The following ITGB4 variants were observed in gnomAD, a reference collection of about 807,000 sequenced individuals.
The protein encoded by ITGB4 is integrin beta-4.
Under a neutral mutation model 207.6 loss-of-function variants are expected in ITGB4, and 159 were observed. The ratio of observed to expected loss-of-function variants is 0.77; its 90% confidence interval spans 0.67 to 0.87. The LOEUF is 0.87. Ranked by LOEUF, ITGB4 falls within the 40% of genes least tolerant of loss-of-function variation. The pLI is 0.00. For synonymous variants in ITGB4, 1,020 were observed against 1,062.7 expected, an observed-to-expected ratio of 0.96 and a Z score of 0.78; for missense variants, 2,278 against 2,546.8, an observed-to-expected ratio of 0.89 and a Z score of 2.27.
intron 26 of ITGB4, among the ~76,000 whole-genome samples, chr17:75,745,407 A>C (rs959803287): frequency 6.6e-6 from 1 of 151,954 alleles, no homozygotes; most frequent in African/African-American, 2.4e-5. Flanking sequence ...AATAATAATA[A>C]TTAATTTTTT....
chr17:75,734,046 G>A (rs912412308), intron 13 of ITGB4, among the ~76,000 whole-genome samples: 1 of 151,798 alleles, frequency 6.6e-6, no homozygotes, highest in African/African-American at 2.4e-5. Context: ...CCCTCCAATG[G>A]CTGGCAGGTA....
intron 36 of ITGB4, 40 bp downstream of exon 36, chr17:75,756,657 GC>G (rs1599322956): frequency 6.2e-7 from 1 of 1,612,102 alleles, no homozygotes; most frequent in East Asian, 2.2e-5. Flanking sequence ...CCCCCATCAT[GC>G]CCACCACCCA....
intron 34 of ITGB4, 115 bp downstream of exon 34, chr17:75,754,930 G>GCATGCACA: frequency 1.3e-6 from 2 of 1,548,526 alleles, no homozygotes; most frequent in East Asian, 4.5e-5. Context: ...ATACACACAC[G>GCATGCACA]CATGCACACA....
chr17:75,728,290 C>G lies in ITGB4; in HGVS notation c.470-87C>G, dbSNP rs983975855. The G allele has an allele frequency of 2.8e-6, 3 of 1,070,450 alleles. No individual in the cohort carries two copies. In the African/African-American group the frequency reaches 4.7e-5, roughly 17 times the overall value. The allele number at this position is 1,070,450 out of a possible 1,614,324, so 66.3% of individuals were successfully genotyped here. On this transcript the variant is annotated intron_variant, in intron 5 of 39. Transcript: ENST00000200181. ...CAAAGCGTTAACCTCCCTCTTCCTC[C>G]CTTCTGAGCCAGCCCTTGGTGGGGG... is the stretch of plus-strand genomic sequence containing the variant.
In ITGB4 at chr17:75,740,907, G is replaced by A. The variant is rs2061094081; in HGVS notation, c.2609+56G>A. The A allele has an allele frequency of 3.8e-5, 61 of 1,613,342 alleles. No individual in the cohort carries two copies. The South Asian group carries it at 5.7e-4, about 15-fold the overall frequency. On this transcript the variant is annotated intron_variant, in intron 22 of 39. Transcript: ENST00000200181. The surrounding 1 kb of genome is among the most constrained non-coding windows in gnomAD (Gnocchi z 5.9). ...GGAGCCGCTCCTACCGGGACTCCAG[G>A]AGCCGAAGCCCCCAGGCCGATCAGG... is the stretch of plus-strand genomic sequence containing the variant.
chr17:75,742,637 G>T lies in ITGB4; in HGVS notation c.2838G>T (p.Val946=). ...QEGVELVDVR[V]PLFIRPEDDD... is the part of the protein sequence containing the mutation. The stretch of plus-strand genomic sequence containing the variant: ...GCGTGGAGCTGGTGGACGTACGGGT[G>T]CCCCTCTTTATCCGGCCTGAGGATG... Residue 946 remains valine, a synonymous_variant, in exon 25 of 40, where the codon GTG becomes GTT. Transcript: ENST00000200181. The surrounding 1 kb of genome is among the most constrained non-coding windows in gnomAD (Gnocchi z 5.9). 7.4e-6 allele frequency: 12 copies of T among 1,614,046 alleles called. No homozygotes were observed. Among genetic ancestry groups the T allele is most frequent in the Non-Finnish European group, 9.3e-6 (11 of 1,180,030 alleles).
Position 75,733,648 on chromosome 17 carries a change from AT to A in ITGB4, c.1614del (p.Tyr538Ter), listed in dbSNP as rs1417151403. On this transcript the variant is annotated frameshift_variant, in exon 13 of 40. Coordinates refer to ENST00000200181, the MANE Select transcript of ITGB4 (RefSeq NM_000213.5). LOFTEE classifies it high-confidence loss of function. ...EGRYEGQFCE[Y>X]DNFQCPRTSG... is the part of the protein sequence containing the mutation. ...CGCTACGAGGGTCAGTTCTGCGAGT[AT>A]GACAACTTCCAGTGTCCCCGCACTT... The A allele has an allele frequency of 6.2e-7, 1 of 1,614,220 alleles. No individual in the cohort carries two copies. Among genetic ancestry groups the A allele is most frequent in the South Asian group, 1.1e-5 (1 of 91,092 alleles).
chr17:75,749,864 G>A (rs1176624895), intron 27 of ITGB4, among the ~76,000 whole-genome samples: 2 of 152,188 alleles, frequency 1.3e-5, no homozygotes, highest in African/African-American at 4.8e-5. Context: ...GCTGCCAAGG[G>A]AGAAAGGGGC....
chr17:75,727,677 G>T lies in ITGB4; in HGVS notation c.291G>T (p.Arg97=). Residue 97 remains arginine, a synonymous_variant, in exon 5 of 40, where the codon CGG becomes CGT. Coordinates refer to ENST00000200181, the MANE Select transcript of ITGB4 (RefSeq NM_000213.5). The surrounding 1 kb of genome is among the most constrained non-coding windows in gnomAD (Gnocchi z 6.0). ...AGACCCAGATTGACACCACCCTGCGGCGCAGCCAGATGTCCCCCCAAGGCC... is the reference window on the plus strand; with the variant it reads ...AGACCCAGATTGACACCACCCTGCGTCGCAGCCAGATGTCCCCCCAAGGCC... ...TEETQIDTTL[R]RSQMSPQGLR... The T allele has an allele frequency of 6.2e-7, 1 of 1,609,798 alleles. No individual in the cohort carries two copies. Among genetic ancestry groups the T allele is most frequent in the Non-Finnish European group, 8.5e-7 (1 of 1,178,626 alleles).
At position 75,742,497 on chromosome 17, in the gene ITGB4, G is replaced by T. The variant is rs1224261275; in HGVS notation, c.2782+8G>T. ...CCCTCACTGCAGACCAGGGTAGGAG[G>T]GCGGGTCCGCTGTGCCACTGCCTCG... On this transcript the variant is annotated splice_region_variant and intron_variant, in intron 24 of 39. Transcript: ENST00000200181. The surrounding 1 kb of genome is among the most constrained non-coding windows in gnomAD (Gnocchi z 5.9). 1.2e-6 allele frequency: 2 copies of T among 1,612,932 alleles called. No individual in the cohort carries two copies. Among genetic ancestry groups the T allele is most frequent in the Non-Finnish European group, 1.7e-6 (2 of 1,179,770 alleles).
chr17:75,733,464 C>T lies in ITGB4; in HGVS notation c.1455-26C>T, dbSNP rs1444140807. ...CCCCAGCTTTCCTCCTGGGCTGTTT[C>T]GGGGAATGACCAGTTCCTCCTTCAG... On this transcript the variant is annotated intron_variant, in intron 12 of 39. Coordinates refer to ENST00000200181, the MANE Select transcript of ITGB4 (RefSeq NM_000213.5). 1.3e-5 allele frequency: 21 copies of T among 1,604,178 alleles called. No homozygotes were observed. In the East Asian group the frequency reaches 1.6e-4, roughly 12 times the overall value.
rs1219348678 is a variant in ITGB4 at position 75,752,494 on chromosome 17, A to G, written c.4025A>G (p.Asp1342Gly). Residue 1342 changes from aspartate to glycine, a missense_variant, in exon 32 of 40, where the codon GAC (aspartate) becomes GGC (glycine). Transcript: ENST00000200181. ...ATCGTGGACGCCCAGAGCGGGGAGG[A>G]CTACGACAGCTTCCTTATGTACAGC... ...IPIVDAQSGE[D>G]YDSFLMYSDD... The G allele has an allele frequency of 6.2e-7, 1 of 1,613,658 alleles. No individual in the cohort carries two copies. The highest frequency in any genetic ancestry group is 8.5e-7 in the Non-Finnish European group (1 of 1,180,014).
intron 8 of ITGB4, 24 bp downstream of exon 8, chr17:75,730,528 T>C: frequency 6.2e-7 from 1 of 1,612,810 alleles, no homozygotes; most frequent in Non-Finnish European, 8.5e-7. Flanking sequence ...GTCCCACGGG[T>C]GGGAGGTGGT....
chr17:75,755,006 A>T, intron 34 of ITGB4, 191 bp downstream of exon 34: 1 of 1,572,832 alleles, frequency 6.4e-7, no homozygotes, highest in Non-Finnish European at 8.7e-7. Context: ...ACGTACACAC[A>T]TGCATGCACA....
rs1599322078 is a variant in ITGB4 at position 75,756,505 on chromosome 17, C to T, written c.4785C>T (p.Ser1595=). The stretch of plus-strand genomic sequence containing the variant: ...TGGAAGACCTCCTGCCCAACCACTC[C>T]TACGTGTTCCGCGTGCGGGCCCAGA... ...VVVEDLLPNH[S]YVFRVRAQSQ... is the part of the protein sequence containing the mutation. The change falls in exon 36 of 40, where the codon TCC becomes TCT. Residue 1595 remains serine, a synonymous_variant. Transcript: ENST00000200181. 1.2e-6 allele frequency: 2 copies of T among 1,613,400 alleles called. No homozygotes were observed. The highest frequency in any genetic ancestry group is 1.1e-5 in the South Asian group (1 of 91,086).
In ITGB4 at chr17:75,727,608, CG is replaced by C; in HGVS notation, c.265-41del. 1 of 1,581,370 alleles carries C rather than the reference CG, an allele frequency of 6.3e-7. No homozygotes were observed. Among genetic ancestry groups the C allele is most frequent in the South Asian group, 1.1e-5 (1 of 88,152 alleles). ...CCGGGCTGGGCCCCCATCGGGCCTC[CG>C]GAGTGACCCTCTAGCCAGCTGTCCC... On this transcript the variant is annotated intron_variant, in intron 4 of 39. Coordinates refer to ENST00000200181, the MANE Select transcript of ITGB4 (RefSeq NM_000213.5). The surrounding 1 kb of genome is among the most constrained non-coding windows in gnomAD (Gnocchi z 6.0).
chr17:75,736,280 T>A lies in ITGB4; in HGVS notation c.1762-8T>A. The A allele has an allele frequency of 6.2e-7, 1 of 1,613,400 alleles. No individual in the cohort carries two copies. Among genetic ancestry groups the A allele is most frequent in the Non-Finnish European group, 8.5e-7 (1 of 1,179,426 alleles). On this transcript the variant is annotated splice_polypyrimidine_tract_variant and splice_region_variant and intron_variant, in intron 14 of 39. Transcript: ENST00000200181. ...CAGCTGGCTCACTGGTGCCCCCTCC[T>A]ACCCCAGGGCATCTGTAATGGACGT...
In ITGB4 at chr17:75,740,024, G is replaced by C; in HGVS notation, c.2399G>C (p.Arg800Pro). The C allele has an allele frequency of 6.2e-7, 1 of 1,613,040 alleles. No individual in the cohort carries two copies. Among genetic ancestry groups the C allele is most frequent in the South Asian group, 1.1e-5 (1 of 91,084 alleles). Reference sequence around the variant, plus strand: ...TGGAAGGTCACCAACAACATGCAGCGGCCTGGCTTTGCCACTCATGCCGCC... The same window carrying C: ...TGGAAGGTCACCAACAACATGCAGCCGCCTGGCTTTGCCACTCATGCCGCC... ...VRWKVTNNMQ[R>P]PGFATHAASI... Residue 800 changes from arginine to proline, a missense_variant, in exon 20 of 40, where the codon CGG becomes CCG. Transcript: ENST00000200181. The surrounding 1 kb of genome is among the most constrained non-coding windows in gnomAD (Gnocchi z 5.9).
At position 75,728,363 on chromosome 17, in the gene ITGB4, C is replaced by G. The variant is rs746114935; in HGVS notation, c.470-14C>G. 2.5e-6 allele frequency: 4 copies of G among 1,613,212 alleles called. No homozygotes were observed. The South Asian group carries it at 4.4e-5, about 18-fold the overall frequency. ...AGGGCTCAGCTATCCCCTCTCTGTC[C>G]TTTTGACATCCAGCTCGGGTCCTGA... On this transcript the variant is annotated splice_polypyrimidine_tract_variant and intron_variant, in intron 5 of 39. Coordinates refer to ENST00000200181, the MANE Select transcript of ITGB4 (RefSeq NM_000213.5).
Sources: gnomAD v4.1 joint callset for allele counts (sites outside exome capture counted in the v4.1 genomes callset) on GRCh38, gnomAD v4.1.1 for gene constraint, Gnocchi (gnomAD v3.1) non-coding constraint, MANE v1.5 for transcripts, NCBI Gene and HGNC (gene_info 2026-07-23, HGNC 2026-07-21) for gene names.